CSGALNACT1: variants seen among roughly 807,000 people sequenced by gnomAD.
CSGALNACT1 encodes chondroitin sulfate N-acetylgalactosaminyltransferase 1.
A neutral mutation model predicts 51.0 loss-of-function variants in CSGALNACT1; 52 were observed. The observed-to-expected ratio is 1.02, with a 90% confidence interval of 0.82 to 1.29. The LOEUF (loss-of-function observed/expected upper bound fraction) is 1.29. Ranked by LOEUF, CSGALNACT1 falls within the 50% of genes most tolerant of loss-of-function variation. The pLI is 0.00. For synonymous variants in CSGALNACT1, 341 were observed against 254.4 expected, an observed-to-expected ratio of 1.34 and a Z score of -3.24; for missense variants, 935 against 679.2, an observed-to-expected ratio of 1.38 and a Z score of -4.19.
At chr8:19,588,490 C>T (rs889349192) in intron 3 of CSGALNACT1, among the ~76,000 whole-genome samples, 15 of 152,272 alleles carry the variant, frequency 9.9e-5, no homozygotes, top group African/African-American at 3.6e-4. Context: ...ATACTGATTA[C>T]CTAAATGTAA....
intron 9 of CSGALNACT1, among the ~76,000 whole-genome samples, chr8:19,406,623 T>TAAAAAAAA (rs33985548): frequency 1.4e-5 from 1 of 72,148 alleles, no homozygotes; most frequent in African/African-American, 5.9e-5. Flanking sequence ...AGAGGTTTCG[T>TAAAAAAAA]AAAAAAAAAA....
intron 1 of CSGALNACT1, among the ~76,000 whole-genome samples, chr8:19,694,608 G>A (rs2061494168): frequency 6.6e-6 from 1 of 152,180 alleles, no homozygotes; most frequent in South Asian, 2.1e-4. Flanking sequence ...TACAGCTTTT[G>A]GAAATACTCA....
intron 1 of CSGALNACT1, among the ~76,000 whole-genome samples, chr8:19,628,660 T>TG (rs2054781482): frequency 6.6e-6 from 1 of 152,094 alleles, no homozygotes; most frequent in African/African-American, 2.4e-5. Flanking sequence ...AGGCTTTTTT[T>TG]TTTTGTTTTT....
chr8:19,644,262 A>G (rs1034293164), intron 1 of CSGALNACT1, among the ~76,000 whole-genome samples: 2 of 152,110 alleles, frequency 1.3e-5, no homozygotes, highest in African/African-American at 4.8e-5. Context: ...CTAGTAGGTA[A>G]AATTATAGGT....
chr8:19,421,622 C>T (rs1196844929), intron 6 of CSGALNACT1, among the ~76,000 whole-genome samples: 1 of 152,234 alleles, frequency 6.6e-6, no homozygotes, highest in African/African-American at 2.4e-5. Flanking sequence ...GGTACAGAAA[C>T]TCATTTCCAG....
intron 1 of CSGALNACT1, among the ~76,000 whole-genome samples, chr8:19,617,203 A>G (rs2053149463): frequency 6.6e-6 from 1 of 152,152 alleles, no homozygotes; most frequent in African/African-American, 2.4e-5. Flanking sequence ...AATGTCGCCA[A>G]TTATCTGACA....
intron 3 of CSGALNACT1, among the ~76,000 whole-genome samples, chr8:19,538,243 AT>A (rs1253597420): frequency 6.6e-6 from 1 of 152,190 alleles, no homozygotes; most frequent in African/African-American, 2.4e-5. Context: ...AGGCAGGAAG[AT>A]TGCTTGAGCC....
chr8:19,469,291 G>A lies in CSGALNACT1; in HGVS notation c.635-10649C>T, dbSNP rs781017996. On this transcript the variant is annotated intron_variant, in intron 4 of 9. Transcript: ENST00000454498. Reference sequence around the variant, plus strand: ...CTGTAGTCCCAGCTACTTAGGCGGTGCAGGCATGAGGATCCCTTGAGCCCA... The same window carrying A: ...CTGTAGTCCCAGCTACTTAGGCGGTACAGGCATGAGGATCCCTTGAGCCCA... Among the ~76,000 whole-genome samples the A allele has an allele frequency of 4.4e-4, 67 of 152,244 alleles. 1 individual carries two copies. Among genetic ancestry groups the A allele is most frequent in the Non-Finnish European group, 6.6e-4 (45 of 68,012 alleles).
chr8:19,468,652 G>T (rs2067298851), intron 4 of CSGALNACT1, among the ~76,000 whole-genome samples: 2 of 152,160 alleles, frequency 1.3e-5, no homozygotes, highest in Non-Finnish European at 2.9e-5. Context: ...AAGCTTGAGA[G>T]AATGTTGTTA....
rs374984199 is a variant in CSGALNACT1 at position 19,526,617 on chromosome 8, G to A, written c.-296-20487C>T. On this transcript the variant is annotated intron_variant, in intron 3 of 9. Transcript: ENST00000454498. ...TAATAATTTATATATAAAAATTGTA[G>A]GTAAAAGAGAAATGCTTATTTGACT... 2.3e-3 allele frequency among the ~76,000 whole-genome samples: 353 copies of A among 151,862 alleles called. 8 individuals are homozygous for A. The South Asian group carries it at 0.059, about 25-fold the overall frequency.
intron 3 of CSGALNACT1, among the ~76,000 whole-genome samples, chr8:19,554,255 T>C (rs2089110764): frequency 6.6e-6 from 1 of 152,170 alleles, no homozygotes; most frequent in Non-Finnish European, 1.5e-5. Flanking sequence ...TCAGCAACAC[T>C]GCACATCAAA....
chr8:19,454,995 A>G (rs1292356200), intron 5 of CSGALNACT1, among the ~76,000 whole-genome samples: 2 of 152,210 alleles, frequency 1.3e-5, no homozygotes, highest in African/African-American at 4.8e-5. Flanking sequence ...TGTATAGTAT[A>G]TCTCATGTTG....
intron 3 of CSGALNACT1, among the ~76,000 whole-genome samples, chr8:19,580,235 C>T (rs889710675): frequency 6.6e-6 from 1 of 152,172 alleles, no homozygotes; most frequent in African/African-American, 2.4e-5. Flanking sequence ...AAGACAGCTT[C>T]AGAAAAATGA....
At chr8:19,458,200 C>T (rs554509984) in intron 5 of CSGALNACT1, among the ~76,000 whole-genome samples, 1 of 152,326 alleles carries the variant, frequency 6.6e-6, no homozygotes, top group African/African-American at 2.4e-5. Flanking sequence ...AAACCCAGTC[C>T]TTCCTGCTTT....
intron 1 of CSGALNACT1, among the ~76,000 whole-genome samples, chr8:19,728,853 C>T (rs2154244206): frequency 6.6e-6 from 1 of 152,082 alleles, no homozygotes; most frequent in East Asian, 1.9e-4. Flanking sequence ...CGTAACTCAC[C>T]CACCTTTGGC....
intron 1 of CSGALNACT1, among the ~76,000 whole-genome samples, chr8:19,628,939 A>G (rs1337070323): frequency 6.6e-6 from 1 of 152,148 alleles, no homozygotes; most frequent in African/African-American, 2.4e-5. Context: ...TCTTTCTGGC[A>G]CCCTCTGTGT....
At chr8:19,602,065 AT>A (rs1320127056) in exon 1 of CSGALNACT1, 1 of 319,588 alleles carries the variant, frequency 3.1e-6, no homozygotes, top group East Asian at 8.0e-5. Flanking sequence ...TTAAAAAAAA[AT>A]CAAGGCTTTA....
intron 1 of CSGALNACT1, among the ~76,000 whole-genome samples, chr8:19,696,056 T>C (rs2061566779): frequency 1.3e-5 from 2 of 152,184 alleles, no homozygotes; most frequent in Non-Finnish European, 2.9e-5. Context: ...CAAAAACATG[T>C]ATGAAGACAT....
Position 19,633,107 on chromosome 8 carries a change from G to C in CSGALNACT1, c.-543-31242C>G, listed in dbSNP as rs749875706. Among the ~76,000 whole-genome samples the C allele has an allele frequency of 2.0e-5, 3 of 151,926 alleles. No individual in the cohort carries two copies. The East Asian group carries it at 5.8e-4, about 29-fold the overall frequency. On this transcript the variant is annotated intron_variant, in intron 1 of 9. Transcript: ENST00000332246. ...CTTTTTAAAAGGGAGTTTGGGGGCT[G>C]GTAAGAATAAATGATGTAACTTTTT...
Sources: allele counts gnomAD v4.1 joint callset (sites outside exome capture counted in the v4.1 genomes callset), GRCh38; gene constraint gnomAD v4.1.1; transcripts MANE v1.5; gene names NCBI Gene and HGNC (gene_info 2026-07-23, HGNC 2026-07-21).